The following FOXP2 variants were observed in gnomAD, a reference collection of about 807,000 sequenced individuals.
FOXP2 encodes the protein forkhead box protein P2.
A neutral mutation model predicts 115.8 loss-of-function variants in FOXP2; 12 were observed. The observed-to-expected ratio is 0.10, with a 90% CI of 0.07 to 0.17. The LOEUF is 0.17. Ranked by LOEUF, FOXP2 falls within the 10% of genes least tolerant of loss-of-function variation. The pLI, the probability that FOXP2 is intolerant of heterozygous loss-of-function variation, is 1.00. For missense variants in FOXP2, 629 were observed against 843.5 expected (o/e 0.75, Z 3.15); for synonymous variants, 328 against 297.7 (o/e 1.10, Z -1.05).
intron 9 of FOXP2, 94 bp from the exon 10 acceptor site, chr7:114,653,832 T>A: frequency 1.2e-5 from 16 of 1,324,600 alleles, no homozygotes; most frequent in Non-Finnish European, 1.7e-5. Context: ...GAATCATTAT[T>A]CTGAGGCAAG....
chr7:114,348,248 G>A (rs1791394848), intron 2 of FOXP2, among the ~76,000 whole-genome samples: 1 of 152,012 alleles, frequency 6.6e-6, no homozygotes, highest in Non-Finnish European at 1.5e-5. Context: ...CCCAATTACA[G>A]AAATGTAACT....
intron 1 of FOXP2, among the ~76,000 whole-genome samples, chr7:114,196,628 G>A (rs1332027420): frequency 6.6e-6 from 1 of 152,174 alleles, no homozygotes; most frequent in Non-Finnish European, 1.5e-5. Context: ...TCATTTAAGA[G>A]TATGGTTTAG....
At chr7:114,613,758 TC>T (rs894059980) in intron 3 of FOXP2, 6 of 151,874 alleles carry the variant, frequency 4.0e-5, no homozygotes, top group Admixed American at 3.9e-4. Flanking sequence ...CTTGTTTCTT[TC>T]TTTTCTTTTT....
At chr7:114,455,753 G>C (rs1795288567) in intron 2 of FOXP2, among the ~76,000 whole-genome samples, 1 of 152,172 alleles carries the variant, frequency 6.6e-6, no homozygotes, top group Non-Finnish European at 1.5e-5. Flanking sequence ...CACGTAAAAT[G>C]AATCTGACCC....
intron 3 of FOXP2, among the ~76,000 whole-genome samples, chr7:114,542,471 C>G (rs1236472133): frequency 1.3e-5 from 2 of 152,132 alleles, no homozygotes; most frequent in African/African-American, 2.4e-5. Context: ...CTTAGAAGAA[C>G]CTGGAACCCT....
chr7:114,119,020 G>A (rs1791485872), intron 1 of FOXP2, among the ~76,000 whole-genome samples: 2 of 152,204 alleles, frequency 1.3e-5, no homozygotes, highest in South Asian at 4.2e-4. Context: ...GTCCATTTTG[G>A]AATTAAATTA....
At chr7:114,557,842 C>T (rs909272180) in intron 3 of FOXP2, among the ~76,000 whole-genome samples, 3 of 151,080 alleles carry the variant, frequency 2.0e-5, no homozygotes, top group Admixed American at 6.6e-5. Context: ...TGGAGTCCTG[C>T]TCTGTCGCCC....
intron 2 of FOXP2, among the ~76,000 whole-genome samples, chr7:114,526,482 A>AAC (rs1222231676): frequency 0.011 from 1,721 of 150,094 alleles, 31 homozygotes; most frequent in African/African-American, 0.037. Context: ...TCTCAAAAAA[A>AAC]AAAAACAAAA....
intron 2 of FOXP2, among the ~76,000 whole-genome samples, chr7:114,297,987 G>A (rs1796785027): frequency 6.6e-6 from 1 of 152,120 alleles, no homozygotes; most frequent in Non-Finnish European, 1.5e-5. Context: ...TGATCAGTAA[G>A]TGTTAAAGTC....
intron 3 of FOXP2, among the ~76,000 whole-genome samples, chr7:114,542,948 G>T (rs573608165): frequency 1.3e-5 from 2 of 151,842 alleles, no homozygotes; most frequent in East Asian, 3.9e-4. Flanking sequence ...GCACCACCAT[G>T]CCCAACTAAT....
chr7:114,318,380 T>G (rs1306910608), intron 2 of FOXP2, among the ~76,000 whole-genome samples: 6 of 27,100 alleles, frequency 2.2e-4, no homozygotes, highest in Non-Finnish European at 3.8e-4. Flanking sequence ...TCTCTCTTTG[T>G]TTTTTTTTTT....
At chr7:114,117,423 C>T (rs1322960890) in intron 1 of FOXP2, among the ~76,000 whole-genome samples, 4 of 151,646 alleles carry the variant, frequency 2.6e-5, no homozygotes, top group East Asian at 3.9e-4. Flanking sequence ...GGTTTCGCCA[C>T]GTTGGCCAGG....
chr7:114,664,800 T>A (rs1479593157), intron 16 of FOXP2: 1 of 277,926 alleles, frequency 3.6e-6, no homozygotes, highest in Non-Finnish European at 7.0e-6. Context: ...TTATAATTTT[T>A]ACTACTGTTA....
intron 2 of FOXP2, among the ~76,000 whole-genome samples, chr7:114,467,221 T>C (rs528116123): frequency 7.9e-5 from 12 of 152,204 alleles, no homozygotes; most frequent in Non-Finnish European, 1.5e-4. Context: ...TATGCTTGGC[T>C]ACTACTAGAA....
intron 3 of FOXP2, among the ~76,000 whole-genome samples, chr7:114,537,057 T>C (rs1799429444): frequency 6.6e-6 from 1 of 151,570 alleles, no homozygotes; most frequent in Non-Finnish European, 1.5e-5. Context: ...TCTTCAAATA[T>C]TATTTAGCAT....
chr7:114,456,917 G>A (rs1405585351), intron 2 of FOXP2, among the ~76,000 whole-genome samples: 1 of 149,506 alleles, frequency 6.7e-6, no homozygotes, highest in Non-Finnish European at 1.5e-5. Context: ...GGGGAAATAA[G>A]CCAAACAGAG....
At chr7:114,559,296 A>G (rs1468455931) in intron 3 of FOXP2, among the ~76,000 whole-genome samples, 1 of 152,140 alleles carries the variant, frequency 6.6e-6, no homozygotes, top group African/African-American at 2.4e-5. Context: ...TACACAGTGA[A>G]CAGGTGTAGA....
intron 8 of FOXP2, 75 bp from the exon 9 acceptor site, chr7:114,652,128 T>C: frequency 7.3e-7 from 1 of 1,362,510 alleles, no homozygotes; most frequent in East Asian, 2.3e-5. Context: ...TTCAGTGTAG[T>C]GCTTTTTAAG....
At chr7:114,477,715 G>A (rs146028331) in intron 2 of FOXP2, among the ~76,000 whole-genome samples, 12 of 151,814 alleles carry the variant, frequency 7.9e-5, no homozygotes, top group East Asian at 5.8e-4. Flanking sequence ...AATGTATCAC[G>A]CAAATTCTTA....
Sources: allele counts gnomAD v4.1 joint callset (sites outside exome capture counted in the v4.1 genomes callset), GRCh38; gene constraint gnomAD v4.1.1; transcripts MANE v1.5; gene names NCBI Gene and HGNC (gene_info 2026-07-23, HGNC 2026-07-21).